The following FN1 variants were observed in gnomAD, a reference collection of about 807,000 sequenced individuals.
FN1 encodes the protein fibronectin 1, also known as fibronectin.
A neutral mutation model predicts 297.3 loss-of-function variants in FN1; 106 were observed. That is an observed-to-expected ratio of 0.36 (90% CI 0.30 to 0.42). The LOEUF is 0.42. Ranked by LOEUF, FN1 falls within the 10% of genes least tolerant of loss-of-function variation. FN1 has a pLI of 1.00. For missense variants in FN1, 2,690 were observed against 3,124.9 expected (o/e 0.86, Z 3.32); for synonymous variants, 1,149 against 1,152.6 (o/e 1.00, Z 0.06).
chr2:215,386,586 T>C, intron 28 of FN1, 103 bp downstream of exon 28: 1 of 586,690 alleles, frequency 1.7e-6, no homozygotes, highest in Non-Finnish European at 2.7e-6. Context: ...TTTTTTTTTT[T>C]TTTTTTTTGA....
At position 215,433,417 on chromosome 2, in the gene FN1, C is replaced by T. The variant is rs2066879876; in HGVS notation, c.322G>A (p.Val108Met). 2 of 1,614,070 alleles carry T rather than the reference C, an allele frequency of 1.2e-6. No individual in the cohort carries two copies. Among genetic ancestry groups the T allele is most frequent in the African/African-American group, 2.7e-5 (2 of 74,936 alleles). Residue 108 changes from valine to methionine, a missense_variant, in exon 3 of 46, where the codon GTG becomes ATG. Around this residue, in one of 3 missense-constraint regions of FN1, gnomAD observed 876 missense variants for 1,058.1 expected, o/e 0.83. Transcript: ENST00000354785. ...TTAGGACGCTCATAAGTGTCACCCA[C>T]TCGGTAAGTGTTCCCAGTGTACTTG... ...FDKYTGNTYRVGDTYERPKDS... is the reference protein window; with the variant it reads ...FDKYTGNTYRMGDTYERPKDS...
intron 27 of FN1, 116 bp downstream of exon 27, chr2:215,388,096 G>A: frequency 2.6e-6 from 2 of 776,930 alleles, no homozygotes; most frequent in Non-Finnish European, 2.3e-6. Context: ...GATGACAAAG[G>A]TACACACACC....
intron 13 of FN1, among the ~76,000 whole-genome samples, chr2:215,414,053 TTTTG>T (rs1026984698): frequency 1.8e-4 from 27 of 152,312 alleles, no homozygotes; most frequent in South Asian, 6.2e-4. Context: ...GTTGGTCAAA[TTTTG>T]TTTGTTTGTT....
chr2:215,391,531 T>A, intron 26 of FN1, 101 bp downstream of exon 26: 1 of 959,200 alleles, frequency 1.0e-6, no homozygotes. Flanking sequence ...TGTAGCTTGG[T>A]TGCAGCTCTC....
rs146011944 is a variant in FN1, at chr2:215,391,708, A to G, written c.4176T>C (p.Arg1392=). Residue 1392 remains arginine, a synonymous_variant, in exon 26 of 46, where the codon CGT becomes CGC. Transcript: ENST00000354785. ...CTTCCTCATTTTTCACAGGTGAGTAACGCACCAGGAAGTTGGTTAAATCAA... is the reference window on the plus strand; with the variant it reads ...CTTCCTCATTTTTCACAGGTGAGTAGCGCACCAGGAAGTTGGTTAAATCAA... The part of the protein sequence containing the change: ...PSIDLTNFLV[R]YSPVKNEEDV... 1.9e-5 allele frequency: 30 copies of G among 1,614,054 alleles called. No homozygotes were observed. The African/African-American group carries it at 4.0e-4, about 22-fold the overall frequency.
At position 215,370,365 on chromosome 2, in the gene FN1, ACGT is replaced by A. The variant is rs773415318; in HGVS notation, c.6779_6781del (p.Asn2260_Val2261delinsIle). The A allele has an allele frequency of 2.5e-6, 4 of 1,613,684 alleles. No individual in the cohort carries two copies. The highest frequency in any genetic ancestry group is 1.6e-4 in the Middle Eastern group (1 of 6,062). On this transcript the variant is annotated inframe_deletion, in exon 41 of 46. Coordinates refer to ENST00000354785, the MANE Select transcript of FN1 (RefSeq NM_212482.4). ...CTGGTCTTTCAGTGCCTCCACTATG[ACGT>A]TGTAGGTGGCACCTCTGGTGAGGCC...
intron 26 of FN1, among the ~76,000 whole-genome samples, chr2:215,388,863 G>C (rs1575455662): frequency 6.6e-6 from 1 of 151,262 alleles, no homozygotes; most frequent in African/African-American, 2.4e-5. Context: ...TTTTGTAAAT[G>C]AAAAAACAAA....
intron 17 of FN1, 146 bp downstream of exon 17, chr2:215,407,962 A>G: frequency 1.9e-6 from 1 of 518,416 alleles, no homozygotes; most frequent in Non-Finnish European, 3.5e-6. Flanking sequence ...CGCCACACAC[A>G]CACACACACA....
intron 26 of FN1, 30 bp from the exon 27 acceptor site, chr2:215,388,331 ACT>A (rs1001100084): frequency 1.3e-5 from 19 of 1,510,686 alleles, no homozygotes; most frequent in East Asian, 2.3e-5. Context: ...TTATTTTAAA[ACT>A]CTGCTCAAAA....
In FN1 at chr2:215,372,068, T is replaced by G; in HGVS notation, c.6555A>C (p.Val2185=). Residue 2185 remains valine (V), a synonymous_variant, in exon 40 of 46, where the codon GTA becomes GTC. Coordinates refer to ENST00000354785, the MANE Select transcript of FN1 (RefSeq NM_212482.4). Reference sequence around the variant, plus strand: ...GACCGTGTGGGTACAGGTGATAGTCTACATCTTCCCTGGGGATGTGACCAA... The same window carrying G: ...GACCGTGTGGGTACAGGTGATAGTCGACATCTTCCCTGGGGATGTGACCAA... ...IQIGHIPRED[V]DYHLYPHGPG... is the part of the protein sequence containing the mutation. The G allele has an allele frequency of 1.2e-6, 2 of 1,614,214 alleles. No individual in the cohort carries two copies. The highest frequency in any genetic ancestry group is 1.7e-6 in the Non-Finnish European group (2 of 1,180,046).
At chr2:215,361,784 G>T in intron 45 of FN1, 158 bp from the exon 46 acceptor site, 1 of 449,666 alleles carries the variant, frequency 2.2e-6, no homozygotes, top group Non-Finnish European at 2.9e-6. Context: ...GGCAATAGGA[G>T]ATGTTCAAGA....
At chr2:215,412,949 C>T (rs7588830) in intron 13 of FN1, among the ~76,000 whole-genome samples, 41,145 of 151,740 alleles carry the variant, frequency 0.27, 7,110 homozygotes, top group East Asian at 0.93. Context: ...ATAGACCGAT[C>T]GCATCATGCA....
chr2:215,424,360 A>G lies in FN1; in HGVS notation c.1037-35T>C, dbSNP rs150199743. ...TAATCAAAAGAGTGTCAGTAAACAGAGATGCTTTATCTCCCACCAGCAGCT... is the reference window on the plus strand; with the variant it reads ...TAATCAAAAGAGTGTCAGTAAACAGGGATGCTTTATCTCCCACCAGCAGCT... On this transcript the variant is annotated intron_variant, in intron 7 of 45. Coordinates refer to ENST00000354785, the MANE Select transcript of FN1 (RefSeq NM_212482.4). 3.5e-4 allele frequency: 552 copies of G among 1,578,606 alleles called. 5 individuals are homozygous for G. In the East Asian group the frequency reaches 0.012, roughly 34 times the overall value.
Position 215,371,899 on chromosome 2 carries a change from A to T in FN1, c.6714+10T>A. The T allele has an allele frequency of 6.2e-7, 1 of 1,604,066 alleles. No individual in the cohort carries two copies. Among genetic ancestry groups the T allele is most frequent in the Non-Finnish European group, 8.5e-7 (1 of 1,170,856 alleles). On this transcript the variant is annotated intron_variant, in intron 40 of 45. Transcript: ENST00000354785. ...CTGCCCCATGAGAAGTGAAGAGAAC[A>T]ATTAATTACCTGTAAGGGTTCTTCA...
At chr2:215,373,502 G>T in intron 38 of FN1, 91 bp from the exon 39 acceptor site, 1 of 1,005,046 alleles carries the variant, frequency 9.9e-7, no homozygotes, top group Non-Finnish European at 1.6e-6. Context: ...CTGGGAGCAG[G>T]CACTTCCTCT....
intron 32 of FN1, 130 bp downstream of exon 32, chr2:215,382,082 A>T: frequency 1.4e-6 from 1 of 693,612 alleles, no homozygotes; most frequent in South Asian, 1.5e-5. Flanking sequence ...TAAAGGGCTC[A>T]GCTCAAGACA....
rs2106404539 is a variant in FN1 at position 215,420,782 on chromosome 2, G to C, written c.1566C>G (p.Asp522Glu). The change falls in exon 11 of 46, where the codon GAC becomes GAG. Residue 522 changes from aspartate (D) to glutamate (E), a missense_variant. Physicochemically the swap from Asp to Glu is conservative, Grantham distance 45. Around this residue, in one of 3 missense-constraint regions of FN1, gnomAD observed 876 missense variants for 1,058.1 expected, o/e 0.83. Coordinates refer to ENST00000354785, the MANE Select transcript of FN1 (RefSeq NM_212482.4). ...SQLRDQCIVD[D>E]ITYNVNDTFH... The stretch of plus-strand genomic sequence containing the variant: ...ATGTGTCGTTCACATTGTAAGTGAT[G>C]TCATCAACAATGCACTGATCTGTTT... 6.2e-7 allele frequency: 1 copy of C among 1,613,924 alleles called. No homozygotes were observed. Among genetic ancestry groups the C allele is most frequent in the African/African-American group, 1.3e-5 (1 of 75,022 alleles).
In FN1 at chr2:215,389,096, TTTTTTA is replaced by T. The variant is rs1017878459; in HGVS notation, c.4253-801_4253-796del. ...CATCCCTGAGTATCTTGTTCCATTT[TTTTTTA>T]TTTTTATTATTTTTTCTTTTTGACG... On this transcript the variant is annotated intron_variant, in intron 26 of 45. Coordinates refer to ENST00000354785, the MANE Select transcript of FN1 (RefSeq NM_212482.4). Among the ~76,000 whole-genome samples, 35 of 152,246 alleles carry T rather than the reference TTTTTTA, an allele frequency of 2.3e-4. 1 individual carries two copies. The Middle Eastern group carries it at 0.037, about 163-fold the overall frequency.
intron 28 of FN1, among the ~76,000 whole-genome samples, chr2:215,385,515 T>C (rs1296025000): frequency 1.5e-5 from 2 of 137,386 alleles, no homozygotes; most frequent in African/African-American, 5.6e-5. Flanking sequence ...TGAGCCAAGA[T>C]CCCACCATTG....
Sources: allele counts gnomAD v4.1 joint callset (sites outside exome capture counted in the v4.1 genomes callset), GRCh38; gene constraint gnomAD v4.1.1; regional missense constraint gnomAD v4.1.1; transcripts MANE v1.5; gene names NCBI Gene and HGNC (gene_info 2026-07-23, HGNC 2026-07-21).